Variants in RERE observed in about 807,000 individuals in gnomAD.
The protein encoded by RERE is arginine-glutamic acid dipeptide repeats.
Under a neutral mutation model 146.1 loss-of-function variants are expected in RERE, and 40 were observed. The ratio of observed to expected loss-of-function variants is 0.27; its 90% CI spans 0.21 to 0.36. The LOEUF is 0.36. Among genes scored for constraint, RERE ranks in the 10% least tolerant of loss-of-function variants. The pLI, the probability that RERE is intolerant of heterozygous loss-of-function variation, is 1.00. For synonymous variants in RERE, 1,003 were observed against 866.0 expected, an observed-to-expected ratio of 1.16 and a Z score of -2.78; for missense variants, 1,933 against 2,138.7, an observed-to-expected ratio of 0.90 and a Z score of 1.90.
At chr1:8,419,265 A>G (rs182765378) in intron 12 of RERE, among the ~76,000 whole-genome samples, 8 of 152,320 alleles carry the variant, frequency 5.3e-5, no homozygotes, top group African/African-American at 1.9e-4. Flanking sequence ...AAGCCTCTAT[A>G]AACAGTTGGG....
At chr1:8,733,753 A>C (rs1340533883) in intron 1 of RERE, among the ~76,000 whole-genome samples, 1 of 152,242 alleles carries the variant, frequency 6.6e-6, no homozygotes, top group East Asian at 1.9e-4. Context: ...ACAAATGCTG[A>C]ATGTTGTTTT....
At chr1:8,707,473 AT>A (rs1639580727) in intron 1 of RERE, among the ~76,000 whole-genome samples, 1 of 152,178 alleles carries the variant, frequency 6.6e-6, no homozygotes, top group Non-Finnish European at 1.5e-5. Context: ...AATCATAACC[AT>A]ATCTTCTGAA....
chr1:8,360,888 G>A lies in RERE; in HGVS notation c.2619C>T (p.Gly873=). ...LQHPGPPQPF[G]LPPQASQGQA... ...GGCCTTGGGAGGCCTGGGGAGGGAGGCCAAAGGGCTGTGGGGGGCCTGGGT... is the reference window on the plus strand; with the variant it reads ...GGCCTTGGGAGGCCTGGGGAGGGAGACCAAAGGGCTGTGGGGGGCCTGGGT... Residue 873 remains glycine (G), a synonymous_variant, in exon 18 of 23, where the codon GGC becomes GGT. Coordinates refer to ENST00000400908, the MANE Select transcript of RERE (RefSeq NM_001042681.2). The A allele has an allele frequency of 9.9e-6, 15 of 1,514,782 alleles. No individual in the cohort carries two copies. The highest frequency in any genetic ancestry group is 2.5e-5 in the East Asian group (1 of 40,760). 93.8% of individuals were successfully genotyped at this position (1,514,782 alleles called of 1,614,324 possible).
intron 4 of RERE, among the ~76,000 whole-genome samples, chr1:8,585,103 T>A (rs986709867): frequency 1.4e-5 from 2 of 145,122 alleles, no homozygotes; most frequent in Non-Finnish European, 3.0e-5. Context: ...GCCAAGATCA[T>A]GCCACTGCAC....
chr1:8,515,908 ACATACGTTATC>A (rs1420625582), intron 7 of RERE, among the ~76,000 whole-genome samples: 1 of 152,044 alleles, frequency 6.6e-6, no homozygotes, highest in Non-Finnish European at 1.5e-5. Flanking sequence ...AAGAGTTTTC[ACATACGTTATC>A]TTAAATCTAG....
At chr1:8,750,806 A>T (rs1640517403) in intron 1 of RERE, 3 of 817,990 alleles carry the variant, frequency 3.7e-6, no homozygotes, top group Non-Finnish European at 6.4e-6. Context: ...GAAGCTCAAC[A>T]AGGCTTCAAT....
intron 12 of RERE, among the ~76,000 whole-genome samples, chr1:8,368,560 G>A (rs1385055766): frequency 6.6e-6 from 1 of 151,288 alleles, no homozygotes; most frequent in African/African-American, 2.4e-5. Flanking sequence ...AAACGGGAGA[G>A]AAAAATCGAG....
chr1:8,731,607 A>AT (rs1640085974), intron 1 of RERE, among the ~76,000 whole-genome samples: 1 of 151,838 alleles, frequency 6.6e-6, no homozygotes, highest in South Asian at 2.1e-4. Context: ...AAAAAAATGC[A>AT]TTACAACTGA....
intron 8 of RERE, 99 bp downstream of exon 8, chr1:8,508,528 G>T: frequency 1.1e-6 from 1 of 926,184 alleles, no homozygotes; most frequent in Non-Finnish European, 1.7e-6. Flanking sequence ...ATTCCCGATA[G>T]CAATAACCAC....
intron 12 of RERE, among the ~76,000 whole-genome samples, chr1:8,373,253 A>C (rs1304561116): frequency 6.6e-6 from 1 of 152,200 alleles, no homozygotes; most frequent in African/African-American, 2.4e-5. Flanking sequence ...GGAGCAGCTA[A>C]ATAATCTCTA....
At chr1:8,644,409 T>C (rs1647231167) in intron 2 of RERE, among the ~76,000 whole-genome samples, 1 of 152,138 alleles carries the variant, frequency 6.6e-6, no homozygotes, top group Non-Finnish European at 1.5e-5. Flanking sequence ...AAGTAGGTTT[T>C]GGAGGCTTTT....
intron 15 of RERE, among the ~76,000 whole-genome samples, chr1:8,363,112 C>T (rs748077677): frequency 6.6e-6 from 1 of 152,256 alleles, no homozygotes; most frequent in Non-Finnish European, 1.5e-5. Context: ...CTGTCCTGAA[C>T]AACGTGTGCT....
At chr1:8,646,153 TGCCTGTTACAGGATGA>T (rs1287384434) in intron 2 of RERE, among the ~76,000 whole-genome samples, 1 of 149,926 alleles carries the variant, frequency 6.7e-6, no homozygotes, top group South Asian at 2.1e-4. Context: ...AAGCTCTTCC[TGCCTGTTACAGGATGA>T]GTTTGTCCTT....
At chr1:8,520,332 G>C (rs998809548) in intron 7 of RERE, among the ~76,000 whole-genome samples, 3 of 152,096 alleles carry the variant, frequency 2.0e-5, no homozygotes, top group Admixed American at 2.0e-4. Flanking sequence ...AAGACTCCAG[G>C]CCACACCGGC....
rs763576031 is a variant in RERE, at chr1:8,360,138, G to C, written c.3369C>G (p.Thr1123=). The C allele has an allele frequency of 6.3e-7, 1 of 1,589,598 alleles. No individual in the cohort carries two copies. Among genetic ancestry groups the C allele is most frequent in the South Asian group, 1.1e-5 (1 of 87,734 alleles). Residue 1123 remains threonine, a synonymous_variant, in exon 18 of 23, where the codon ACC becomes ACG. Coordinates refer to ENST00000400908, the MANE Select transcript of RERE (RefSeq NM_001042681.2). ...TAGCTGACTGGCTGGCGTGACTGGG[G>C]GTGTCCACCACAGTGGGCTCCGGGG... ...SPSPEPTVVD[T]PSHASQSARF...
Position 8,771,803 on chromosome 1 carries a change from G to A in RERE, c.-145+45357C>T, listed in dbSNP as rs1443950878. Among the ~76,000 whole-genome samples, 9 of 150,750 alleles carry A rather than the reference G, an allele frequency of 6.0e-5. No homozygotes were observed. In the East Asian group the frequency reaches 1.8e-3, roughly 29 times the overall value. ...CGGGTGCCTGTAGTCCCAGCTACTC[G>A]GGAGGCAGAGGCAGGAGAATGGCAT... On this transcript the variant is annotated intron_variant, in intron 1 of 22. Transcript: ENST00000400908.
chr1:8,644,456 T>A (rs1301545748), intron 2 of RERE, among the ~76,000 whole-genome samples: 1 of 152,196 alleles, frequency 6.6e-6, no homozygotes, highest in African/African-American at 2.4e-5. Context: ...AAGCCTGTAA[T>A]TATGTGAGCC....
At chr1:8,591,602 G>A (rs994988285) in intron 4 of RERE, among the ~76,000 whole-genome samples, 8 of 152,048 alleles carry the variant, frequency 5.3e-5, no homozygotes, top group Admixed American at 1.3e-4. Context: ...TCCACAGGAC[G>A]ACAACTCCAG....
intron 1 of RERE, among the ~76,000 whole-genome samples, chr1:8,697,991 T>C (rs966726827): frequency 6.6e-6 from 1 of 152,222 alleles, no homozygotes; most frequent in African/African-American, 2.4e-5. Context: ...ATGTATAAGT[T>C]ATCAATTACA....
Sources: allele counts gnomAD v4.1 joint callset (sites outside exome capture counted in the v4.1 genomes callset), GRCh38; gene constraint gnomAD v4.1.1; transcripts MANE v1.5; gene names NCBI Gene and HGNC (gene_info 2026-07-23, HGNC 2026-07-21).